PLCB4: variants seen among roughly 807,000 people sequenced by gnomAD.
PLCB4 encodes 1-phosphatidylinositol 4,5-bisphosphate phosphodiesterase beta-4.
A neutral mutation model predicts 178.8 loss-of-function variants in PLCB4; 77 were observed. The ratio of observed to expected loss-of-function variants is 0.43; its 90% CI spans 0.36 to 0.52. The LOEUF is 0.52. Among genes scored for constraint, PLCB4 ranks in the 20% least tolerant of loss-of-function variants. The pLI, the probability that PLCB4 is intolerant of heterozygous loss-of-function variation, is 0.00. For synonymous variants in PLCB4, 496 were observed against 490.8 expected (o/e 1.01, Z -0.14); for missense variants, 1,024 against 1,453.4 (o/e 0.70, Z 4.80).
Position 9,256,620 on chromosome 20 carries a change from T to A in PLCB4, c.-16+39168T>A, listed in dbSNP as rs142064068. ...GCACACCATCTGCTGAGGCATCTGTTCTTGTTTGGTGGCTGTTATATTTCG... is the reference window on the plus strand; with the variant it reads ...GCACACCATCTGCTGAGGCATCTGTACTTGTTTGGTGGCTGTTATATTTCG... On this transcript the variant is annotated intron_variant, in intron 3 of 39. Coordinates refer to ENST00000378473, the MANE Select transcript of PLCB4 (RefSeq NM_001377142.1). 2.2e-4 allele frequency among the ~76,000 whole-genome samples: 33 copies of A among 152,314 alleles called. No homozygotes were observed. In the East Asian group the frequency reaches 6.4e-3, roughly 29 times the overall value.
chr20:9,165,089 T>A (rs2092947543), intron 2 of PLCB4, among the ~76,000 whole-genome samples: 1 of 152,204 alleles, frequency 6.6e-6, no homozygotes, highest in African/African-American at 2.4e-5. Context: ...TGTTCATCTC[T>A]GAGGTCTGAC....
At position 9,447,722 on chromosome 20, in the gene PLCB4, T is replaced by A. The variant is rs939990710; in HGVS notation, c.2880+3479T>A. Among the ~76,000 whole-genome samples, 10 of 152,368 alleles carry A rather than the reference T, an allele frequency of 6.6e-5. No individual in the cohort carries two copies. In the South Asian group the frequency reaches 1.4e-3, roughly 22 times the overall value. On this transcript the variant is annotated intron_variant, in intron 32 of 39. Coordinates refer to ENST00000378473, the MANE Select transcript of PLCB4 (RefSeq NM_001377142.1). ...CTTAAAAAAACACAGCTTCATTAAA[T>A]CATCTAGTTTTTAAGTGGTGGAGTC...
intron 2 of PLCB4, among the ~76,000 whole-genome samples, chr20:9,169,523 A>C (rs973329850): frequency 6.6e-6 from 1 of 151,808 alleles, no homozygotes; most frequent in Middle Eastern, 3.4e-3. Flanking sequence ...CGGGAGGCAG[A>C]GGTTGCAGTA....
intron 37 of PLCB4, 77 bp downstream of exon 37, chr20:9,472,924 T>G: frequency 1.3e-6 from 1 of 751,478 alleles, no homozygotes; most frequent in Non-Finnish European, 2.3e-6. Flanking sequence ...ACCAGATCTC[T>G]AGCTAATTTG....
intron 2 of PLCB4, among the ~76,000 whole-genome samples, chr20:9,105,282 G>A (rs776150795): frequency 6.6e-5 from 10 of 152,124 alleles, no homozygotes; most frequent in Non-Finnish European, 1.3e-4. Flanking sequence ...TCCTAGAAAT[G>A]TATGGTAGGA....
chr20:9,110,550 C>T (rs1310983079), intron 2 of PLCB4, among the ~76,000 whole-genome samples: 2 of 152,144 alleles, frequency 1.3e-5, no homozygotes, highest in East Asian at 1.9e-4. Context: ...GGCTGAGGTT[C>T]TCCTTCATCT....
intron 3 of PLCB4, among the ~76,000 whole-genome samples, chr20:9,240,961 TTTGA>T (rs1474938527): frequency 1.3e-5 from 2 of 152,308 alleles, no homozygotes; most frequent in African/African-American, 4.8e-5. Context: ...ATCTCAATTG[TTTGA>T]TTTGCAGAAA....
intron 3 of PLCB4, among the ~76,000 whole-genome samples, chr20:9,275,699 G>A (rs1316516639): frequency 6.6e-6 from 1 of 152,004 alleles, no homozygotes; most frequent in East Asian, 1.9e-4. Context: ...TGAAAATATG[G>A]CCCATGGACC....
intron 3 of PLCB4, among the ~76,000 whole-genome samples, chr20:9,245,491 G>A (rs1193611415): frequency 6.6e-6 from 1 of 152,144 alleles, no homozygotes; most frequent in African/African-American, 2.4e-5. Context: ...TTAGTCACAT[G>A]CATCTCTACA....
intron 21 of PLCB4, among the ~76,000 whole-genome samples, chr20:9,405,933 T>G (rs1359433530): frequency 6.6e-6 from 1 of 152,190 alleles, no homozygotes; most frequent in Non-Finnish European, 1.5e-5. Context: ...AAATACTGCC[T>G]TGCTGCCTGT....
chr20:9,211,475 A>T (rs919270650), intron 2 of PLCB4, among the ~76,000 whole-genome samples: 2 of 152,208 alleles, frequency 1.3e-5, no homozygotes, highest in Non-Finnish European at 2.9e-5. Flanking sequence ...CAGAATGTGC[A>T]TTTTAACCAG....
intron 4 of PLCB4, among the ~76,000 whole-genome samples, chr20:9,315,292 G>T (rs1047739831): frequency 6.6e-6 from 1 of 152,156 alleles, no homozygotes; most frequent in Non-Finnish European, 1.5e-5. Context: ...CTTGAGTACA[G>T]TTGGCCCTTT....
chr20:9,074,806 TTAAACAAAACAAAACAAAACAAAACA>T lies in PLCB4; in HGVS notation c.-135+5601_-135+5626del, dbSNP rs1212817290. On this transcript the variant is annotated intron_variant, in intron 1 of 39. Coordinates refer to ENST00000378473, the MANE Select transcript of PLCB4 (RefSeq NM_001377142.1). Reference sequence around the variant, plus strand: ...CCCAGCTAGGCTTTTTTTTTTTTTTTTAAACAAAACAAAACAAAACAAAACAAAACAAAACAAAACAAAACATATTA... The same window carrying T: ...CCCAGCTAGGCTTTTTTTTTTTTTTTAAACAAAACAAAACAAAACATATTA... Among the ~76,000 whole-genome samples, 25 of 100,384 alleles carry T rather than the reference TTAAACAAAACAAAACAAAACAAAACA, an allele frequency of 2.5e-4. 1 individual carries two copies. The highest frequency in any genetic ancestry group is 1.3e-3 in the Admixed American group (13 of 10,014). 65.9% of individuals were successfully genotyped at this position (100,384 alleles called of 152,430 possible).
At chr20:9,090,090 T>A (rs1471286059) in intron 1 of PLCB4, among the ~76,000 whole-genome samples, 1 of 152,198 alleles carries the variant, frequency 6.6e-6, no homozygotes, top group African/African-American at 2.4e-5. Context: ...GAAAGTATCT[T>A]CTTCCCATTT....
intron 32 of PLCB4, among the ~76,000 whole-genome samples, chr20:9,451,272 T>C (rs894826064): frequency 6.6e-6 from 1 of 152,126 alleles, no homozygotes; most frequent in African/African-American, 2.4e-5. Flanking sequence ...CACCAAAATA[T>C]TTTCTTAGGA....
intron 15 of PLCB4, among the ~76,000 whole-genome samples, chr20:9,388,129 T>G (rs1418853258): frequency 6.6e-6 from 1 of 152,120 alleles, no homozygotes; most frequent in African/African-American, 2.4e-5. Context: ...TCTCAGCTAC[T>G]CAGGAGGCTG....
rs1340850132 is a variant in PLCB4, at chr20:9,212,393, A to C, written c.-78-4997A>C. On this transcript the variant is annotated intron_variant, in intron 2 of 39. Coordinates refer to ENST00000378473, the MANE Select transcript of PLCB4 (RefSeq NM_001377142.1). Reference sequence around the variant, plus strand: ...CTTTAAAACAAAATCTGAATATTGAATATCTTGGGGGAGGACATCACATGC... The same window carrying C: ...CTTTAAAACAAAATCTGAATATTGACTATCTTGGGGGAGGACATCACATGC... Among the ~76,000 whole-genome samples the C allele has an allele frequency of 2.6e-5, 4 of 152,326 alleles. 1 individual carries two copies. Among genetic ancestry groups the C allele is most frequent in the East Asian group, 1.9e-4 (1 of 5,188 alleles).
At chr20:9,416,304 T>C (rs749244825) in intron 25 of PLCB4, among the ~76,000 whole-genome samples, 2 of 152,168 alleles carry the variant, frequency 1.3e-5, no homozygotes, top group Non-Finnish European at 2.9e-5. Flanking sequence ...GGGCTCTTGA[T>C]CTTTAACAAA....
At chr20:9,452,424 C>T (rs927841561) in intron 32 of PLCB4, among the ~76,000 whole-genome samples, 3 of 152,122 alleles carry the variant, frequency 2.0e-5, no homozygotes, top group Non-Finnish European at 2.9e-5. Flanking sequence ...ACACCCATTC[C>T]AGTCATGAAT....
Sources: gnomAD v4.1 joint callset for allele counts (sites outside exome capture counted in the v4.1 genomes callset) on GRCh38, gnomAD v4.1.1 for gene constraint, MANE v1.5 for transcripts, NCBI Gene and HGNC (gene_info 2026-07-23, HGNC 2026-07-21) for gene names.